The following OPCML variants were observed in gnomAD, a reference collection of about 807,000 sequenced individuals.
The protein encoded by OPCML is opioid binding protein/cell adhesion molecule like.
OPCML carries 13 observed loss-of-function variants against 37.8 expected under a neutral mutation model. The observed-to-expected ratio is 0.34, with a 90% CI of 0.22 to 0.55. The LOEUF (loss-of-function observed/expected upper bound fraction) is 0.55. Ranked by LOEUF, OPCML falls within the 20% of genes least tolerant of loss-of-function variation. OPCML has a pLI of 0.91. For synonymous variants in OPCML, 176 were observed against 168.8 expected (o/e 1.04, Z -0.33); for missense variants, 341 against 435.6 (o/e 0.78, Z 1.93).
At chr11:133,025,487 G>A (rs950098279) in intron 1 of OPCML, 10 of 985,148 alleles carry the variant, frequency 1.0e-5, no homozygotes, top group Non-Finnish European at 1.2e-5. Context: ...TGGTAATCTA[G>A]TCAGTCGGCT....
chr11:132,758,621 G>T (rs991717100), intron 2 of OPCML, among the ~76,000 whole-genome samples: 1 of 152,262 alleles, frequency 6.6e-6, no homozygotes, highest in East Asian at 1.9e-4. Context: ...TGGTGTATAG[G>T]AATGCTTGTG....
intron 1 of OPCML, among the ~76,000 whole-genome samples, chr11:133,127,610 G>A (rs1949536490): frequency 6.6e-6 from 1 of 151,092 alleles, no homozygotes; most frequent in African/African-American, 2.4e-5. Context: ...TCCAGCCTGG[G>A]TGACAGAGAG....
chr11:132,858,706 C>A (rs1214669343), intron 2 of OPCML, among the ~76,000 whole-genome samples: 1 of 152,184 alleles, frequency 6.6e-6, no homozygotes, highest in African/African-American at 2.4e-5. Flanking sequence ...GTGATGAATT[C>A]TCCTTATATT....
chr11:132,606,061 G>T (rs1250839776), intron 3 of OPCML, among the ~76,000 whole-genome samples: 1 of 152,074 alleles, frequency 6.6e-6, no homozygotes, highest in African/African-American at 2.4e-5. Flanking sequence ...CCTTCCAAGT[G>T]TCCTCAAGTA....
chr11:132,560,875 C>T (rs1164946152), intron 3 of OPCML, among the ~76,000 whole-genome samples: 1 of 152,128 alleles, frequency 6.6e-6, no homozygotes, highest in Non-Finnish European at 1.5e-5. Context: ...TGTCTGTTAA[C>T]TTTGCTGATT....
chr11:132,588,923 C>A (rs572580065), intron 3 of OPCML, among the ~76,000 whole-genome samples: 2 of 152,288 alleles, frequency 1.3e-5, no homozygotes, highest in African/African-American at 2.4e-5. Flanking sequence ...GCAATGCAAT[C>A]TAACATAATC....
At chr11:132,742,523 T>C (rs996162064) in intron 2 of OPCML, among the ~76,000 whole-genome samples, 1 of 151,998 alleles carries the variant, frequency 6.6e-6, no homozygotes, top group Admixed American at 6.5e-5. Flanking sequence ...ACACCAGATA[T>C]GCTGGCACCA....
chr11:132,633,552 G>T (rs1940288043), intron 3 of OPCML, among the ~76,000 whole-genome samples: 1 of 152,142 alleles, frequency 6.6e-6, no homozygotes, highest in African/African-American at 2.4e-5. Flanking sequence ...GAAGTGCGAG[G>T]AGGCCCCAGG....
chr11:133,175,278 G>A (rs1380877053), intron 1 of OPCML, among the ~76,000 whole-genome samples: 1 of 152,146 alleles, frequency 6.6e-6, no homozygotes, highest in Admixed American at 6.5e-5. Flanking sequence ...GAAAGGATGT[G>A]GCTGAGAGGA....
intron 2 of OPCML, among the ~76,000 whole-genome samples, chr11:132,864,694 T>A (rs1016575372): frequency 2.6e-5 from 4 of 152,180 alleles, no homozygotes; most frequent in African/African-American, 4.8e-5. Context: ...CACTTCAGAT[T>A]AAAAGAAAGA....
intron 1 of OPCML, among the ~76,000 whole-genome samples, chr11:133,349,277 A>G (rs1313113273): frequency 2.0e-5 from 3 of 152,004 alleles, no homozygotes; most frequent in African/African-American, 7.3e-5. Flanking sequence ...TGTGCTATAA[A>G]TATAATGATC....
intron 1 of OPCML, among the ~76,000 whole-genome samples, chr11:133,178,337 C>T (rs1937649922): frequency 6.6e-6 from 1 of 152,092 alleles, no homozygotes; most frequent in Admixed American, 6.5e-5. Context: ...GCTTGCCAGC[C>T]ACAGGCTCCC....
At chr11:132,543,529 T>C (rs561007496) in intron 3 of OPCML, among the ~76,000 whole-genome samples, 114 of 151,656 alleles carry the variant, frequency 7.5e-4, no homozygotes, top group Admixed American at 2.2e-3. Flanking sequence ...AGAAAAAAAA[T>C]TAAACAAAAA....
At chr11:132,827,803 C>T (rs1200211623) in intron 2 of OPCML, among the ~76,000 whole-genome samples, 1 of 122,548 alleles carries the variant, frequency 8.2e-6, no homozygotes, top group Non-Finnish European at 1.9e-5. Flanking sequence ...CCACGCCTGG[C>T]TGAATTTTTT....
chr11:133,420,977 G>T, intron 1 of OPCML: 2 of 985,164 alleles, frequency 2.0e-6, no homozygotes, highest in Non-Finnish European at 2.4e-6. Context: ...GTGCATGGCT[G>T]GGAAAAAAAG....
rs141238322 is a variant in OPCML at position 133,463,998 on chromosome 11, C to G, written c.61+68266G>C. On this transcript the variant is annotated intron_variant, in intron 1 of 7. Transcript: ENST00000524381. ...TTTTCCCAGAGCTCATATCTATCCA[C>G]TGGTCCCATTTATGCTTTCAACATC... Among the ~76,000 whole-genome samples the G allele has an allele frequency of 2.4e-4, 37 of 152,226 alleles. No homozygotes were observed. In the East Asian group the frequency reaches 7.2e-3, roughly 29 times the overall value.
intron 4 of OPCML, among the ~76,000 whole-genome samples, chr11:132,454,717 C>A (rs1392939625): frequency 1.3e-5 from 2 of 152,162 alleles, no homozygotes; most frequent in Admixed American, 1.3e-4. Flanking sequence ...GCCTTCAGAT[C>A]CAATCTAGCC....
intron 4 of OPCML, among the ~76,000 whole-genome samples, chr11:132,444,097 G>A (rs2096046094): frequency 6.6e-6 from 1 of 152,190 alleles, no homozygotes; most frequent in Non-Finnish European, 1.5e-5. Context: ...CTGGGGTAAG[G>A]AGGACGCCAG....
At chr11:132,849,783 G>A (rs938566048) in intron 2 of OPCML, among the ~76,000 whole-genome samples, 3 of 152,170 alleles carry the variant, frequency 2.0e-5, no homozygotes, top group African/African-American at 2.4e-5. Flanking sequence ...AGTGGGCATG[G>A]GGTCAGCCAG....
Sources: gnomAD v4.1 joint callset for allele counts (sites outside exome capture counted in the v4.1 genomes callset) on GRCh38, gnomAD v4.1.1 for gene constraint, MANE v1.5 for transcripts, NCBI Gene and HGNC (gene_info 2026-07-23, HGNC 2026-07-21) for gene names.